Variants in DOCK3 observed in about 807,000 individuals in gnomAD.
The protein encoded by DOCK3 is dedicator of cytokinesis protein 3.
Under a neutral mutation model 265.6 loss-of-function variants are expected in DOCK3, and 60 were observed. The observed-to-expected ratio is 0.23, with a 90% CI of 0.18 to 0.28. DOCK3 has a LOEUF of 0.28. Ranked by LOEUF, DOCK3 falls within the 10% of genes least tolerant of loss-of-function variation. The probability of loss-of-function intolerance (pLI) is 1.00; values close to 1 mark genes in which losing one functional copy is unlikely to be tolerated. For missense variants in DOCK3, 1,981 were observed against 2,594.3 expected, an observed-to-expected ratio of 0.76 and a Z score of 5.14; for synonymous variants, 881 against 938.0, an observed-to-expected ratio of 0.94 and a Z score of 1.11.
At chr3:51,097,214 C>A (rs2082893588) in intron 9 of DOCK3, among the ~76,000 whole-genome samples, 1 of 152,226 alleles carries the variant, frequency 6.6e-6, no homozygotes, top group Non-Finnish European at 1.5e-5. Flanking sequence ...ACAGCCACCC[C>A]TTCCCCCAGG....
At chr3:51,137,041 T>TA (rs74912724) in intron 9 of DOCK3, among the ~76,000 whole-genome samples, 27 of 148,404 alleles carry the variant, frequency 1.8e-4, no homozygotes, top group African/African-American at 2.7e-4. Flanking sequence ...ATAAATTAAT[T>TA]AAAAAAAAAA....
At chr3:51,086,133 T>C (rs934441665) in intron 7 of DOCK3, among the ~76,000 whole-genome samples, 1 of 152,210 alleles carries the variant, frequency 6.6e-6, no homozygotes, top group Non-Finnish European at 1.5e-5. Flanking sequence ...TTTCTATAGA[T>C]TATAGATTAA....
chr3:50,811,665 C>T (rs1418984453), intron 2 of DOCK3, among the ~76,000 whole-genome samples: 1 of 151,872 alleles, frequency 6.6e-6, no homozygotes, highest in African/African-American at 2.4e-5. Context: ...AAGTATATAC[C>T]TTAGAGAAAT....
chr3:50,910,062 C>A (rs1450347776), intron 4 of DOCK3, among the ~76,000 whole-genome samples: 1 of 152,012 alleles, frequency 6.6e-6, no homozygotes, highest in African/African-American at 2.4e-5. Context: ...TTACTTTTAG[C>A]TTCATCAGGT....
At chr3:51,193,878 C>G (rs1560188740) in intron 12 of DOCK3, among the ~76,000 whole-genome samples, 1 of 118,174 alleles carries the variant, frequency 8.5e-6, no homozygotes, top group Non-Finnish European at 1.8e-5. Context: ...ACCAGCTTTT[C>G]TTTTTGTTGA....
chr3:50,845,337 G>A (rs2046029794), intron 3 of DOCK3, among the ~76,000 whole-genome samples: 2 of 152,132 alleles, frequency 1.3e-5, no homozygotes, highest in Non-Finnish European at 2.9e-5. Context: ...ATATGCTCAA[G>A]AGGAATAATG....
chr3:51,373,302 A>G (rs576992120), intron 49 of DOCK3, among the ~76,000 whole-genome samples: 8 of 152,288 alleles, frequency 5.3e-5, no homozygotes, highest in African/African-American at 1.4e-4. Context: ...CCAGCTGCAG[A>G]TTCAGCTGGA....
chr3:51,008,538 T>C (rs1480839285), intron 5 of DOCK3, among the ~76,000 whole-genome samples: 1 of 152,210 alleles, frequency 6.6e-6, no homozygotes, highest in Non-Finnish European at 1.5e-5. Flanking sequence ...GCTGAGACAA[T>C]GGGGTTTTCC....
chr3:50,698,692 C>T (rs1311147579), intron 1 of DOCK3, among the ~76,000 whole-genome samples: 1 of 151,370 alleles, frequency 6.6e-6, no homozygotes, highest in Non-Finnish European at 1.5e-5. Flanking sequence ...ATATCCTCAC[C>T]CATACTAATT....
At chr3:51,116,044 T>C (rs534702636) in intron 9 of DOCK3, among the ~76,000 whole-genome samples, 2 of 152,166 alleles carry the variant, frequency 1.3e-5, no homozygotes, top group Non-Finnish European at 2.9e-5. Context: ...TTGGTTACTG[T>C]CACCTTGTAG....
chr3:50,999,508 G>T (rs142739974), intron 5 of DOCK3, among the ~76,000 whole-genome samples: 1 of 152,264 alleles, frequency 6.6e-6, no homozygotes, highest in African/African-American at 2.4e-5. Context: ...AGAGTACCCA[G>T]ACCTCTCCTT....
At chr3:50,977,810 T>C (rs1470280999) in intron 5 of DOCK3, among the ~76,000 whole-genome samples, 1 of 152,028 alleles carries the variant, frequency 6.6e-6, no homozygotes, top group Non-Finnish European at 1.5e-5. Flanking sequence ...TCTTTTCACA[T>C]AGTCCCATAT....
chr3:51,379,701 CCCA>C (rs1576999431), intron 51 of DOCK3: 8 of 903,094 alleles, frequency 8.9e-6, no homozygotes, highest in Non-Finnish European at 1.1e-5. Context: ...CCAAAACACC[CCCA>C]CCACAGGAAG....
intron 1 of DOCK3, among the ~76,000 whole-genome samples, chr3:50,765,900 C>T: frequency 6.6e-6 from 1 of 152,206 alleles, no homozygotes; most frequent in South Asian, 2.1e-4. Context: ...GACCAAACCT[C>T]TAACCATTCC....
chr3:51,332,081 T>C (rs184452816), intron 33 of DOCK3, among the ~76,000 whole-genome samples: 1 of 152,256 alleles, frequency 6.6e-6, no homozygotes, highest in South Asian at 2.1e-4. Flanking sequence ...ACAGTCATCA[T>C]TGTAGCAGCA....
intron 4 of DOCK3, among the ~76,000 whole-genome samples, chr3:50,916,717 G>A (rs987135625): frequency 3.3e-5 from 5 of 151,826 alleles, no homozygotes; most frequent in African/African-American, 4.8e-5. Context: ...GCTGAGGCAG[G>A]AGAATAGTGT....
At chr3:50,804,491 C>G (rs1455763014) in intron 2 of DOCK3, among the ~76,000 whole-genome samples, 1 of 152,164 alleles carries the variant, frequency 6.6e-6, no homozygotes, top group Admixed American at 6.5e-5. Context: ...AATCCCGGTA[C>G]CTTGGGAGGC....
intron 27 of DOCK3, among the ~76,000 whole-genome samples, chr3:51,291,393 G>T (rs1020087973): frequency 6.6e-6 from 1 of 152,116 alleles, no homozygotes; most frequent in Non-Finnish European, 1.5e-5. Flanking sequence ...AAACAGAAGA[G>T]TCAAGTCAGA....
chr3:51,020,566 T>C (rs1175435464), intron 5 of DOCK3, among the ~76,000 whole-genome samples: 2 of 151,940 alleles, frequency 1.3e-5, no homozygotes, highest in African/African-American at 4.9e-5. Context: ...CTGGATGTTA[T>C]TGCCTAGGTT....
Sources: gnomAD v4.1 joint callset for allele counts (sites outside exome capture counted in the v4.1 genomes callset) on GRCh38, gnomAD v4.1.1 for gene constraint, MANE v1.5 for transcripts, NCBI Gene and HGNC (gene_info 2026-07-23, HGNC 2026-07-21) for gene names.